The following LAMA2 variants were observed in gnomAD, a reference collection of about 807,000 sequenced individuals.
LAMA2 encodes laminin subunit alpha 2.
Under a neutral mutation model 364.8 loss-of-function variants are expected in LAMA2, and 269 were observed. That is an observed-to-expected ratio of 0.74 (90% CI 0.67 to 0.82). LAMA2 has a LOEUF of 0.82. Ranked by LOEUF, LAMA2 falls within the 40% of genes least tolerant of loss-of-function variation. The probability of loss-of-function intolerance (pLI) is 0.00; values close to 1 mark genes in which losing one functional copy is unlikely to be tolerated. For missense variants in LAMA2, 3,807 were observed against 3,873.2 expected (o/e 0.98, Z 0.45); for synonymous variants, 1,379 against 1,370.6 (o/e 1.01, Z -0.14).
At chr6:129,357,007 T>C (rs999462275) in intron 32 of LAMA2, among the ~76,000 whole-genome samples, 2 of 152,096 alleles carry the variant, frequency 1.3e-5, no homozygotes, top group Non-Finnish European at 2.9e-5. Context: ...TTATGTAAGT[T>C]GGTGAGTTCT....
intron 10 of LAMA2, among the ~76,000 whole-genome samples, chr6:129,187,680 A>G (rs531861223): frequency 6.6e-6 from 1 of 151,920 alleles, no homozygotes; most frequent in African/African-American, 2.4e-5. Flanking sequence ...GAGACCAGAA[A>G]TGTTTCCGAT....
At chr6:129,104,825 G>T (rs1171599087) in intron 4 of LAMA2, among the ~76,000 whole-genome samples, 2 of 152,114 alleles carry the variant, frequency 1.3e-5, no homozygotes, top group Non-Finnish European at 2.9e-5. Flanking sequence ...AGAGAACTGG[G>T]TTCAACTACT....
chr6:129,428,717 T>G (rs1317037883), intron 41 of LAMA2, among the ~76,000 whole-genome samples: 2 of 152,174 alleles, frequency 1.3e-5, no homozygotes, highest in East Asian at 3.8e-4. Flanking sequence ...AGTGCTGAGA[T>G]TACAGATGTG....
chr6:129,034,483 T>A (rs954530386), intron 1 of LAMA2, among the ~76,000 whole-genome samples: 11 of 152,072 alleles, frequency 7.2e-5, no homozygotes, highest in African/African-American at 2.4e-4. Flanking sequence ...TTTCTTTTTT[T>A]AATTTTAGAT....
At chr6:129,432,776 T>C (rs1318423883) in intron 41 of LAMA2, among the ~76,000 whole-genome samples, 1 of 151,390 alleles carries the variant, frequency 6.6e-6, no homozygotes, top group Non-Finnish European at 1.5e-5. Flanking sequence ...TGATGTCTGG[T>C]GGTTTTAGTT....
Position 129,256,766 on chromosome 6 carries a change from ATAT to A in LAMA2, c.2097-3944_2097-3942del, listed in dbSNP as rs1562385457. 7.9e-3 allele frequency among the ~76,000 whole-genome samples: 731 copies of A among 92,214 alleles called. 26 individuals carry two copies. The highest frequency in any genetic ancestry group is 0.02 in the African/African-American group (560 of 27,456). The allele number at this position is 92,214 out of a possible 152,430, so 60.5% of individuals were successfully genotyped here. On this transcript the variant is annotated intron_variant, in intron 14 of 64. Coordinates refer to ENST00000421865, the MANE Select transcript of LAMA2 (RefSeq NM_000426.4). ...ATATAAAAAACAAATTATATAGCAT[ATAT>A]ATATATATATATATATATATATATA... is the stretch of plus-strand genomic sequence containing the variant.
chr6:129,115,048 T>G (rs1451478686), intron 4 of LAMA2, among the ~76,000 whole-genome samples: 1 of 152,110 alleles, frequency 6.6e-6, no homozygotes, highest in Non-Finnish European at 1.5e-5. Context: ...AAATTATTTG[T>G]ATGACAATGA....
chr6:129,005,333 G>A (rs756400643), intron 1 of LAMA2, among the ~76,000 whole-genome samples: 1 of 151,256 alleles, frequency 6.6e-6, no homozygotes, highest in African/African-American at 2.4e-5. Context: ...TCTTTTTATA[G>A]GAGAAAGGAT....
chr6:129,205,478 G>GTATATATATA lies in LAMA2; in HGVS notation c.1782+12632_1782+12641dup, dbSNP rs749614184. On this transcript the variant is annotated intron_variant, in intron 12 of 64. Coordinates refer to ENST00000421865, the MANE Select transcript of LAMA2 (RefSeq NM_000426.4). ...TCTCTTCTGGGAATTTATTCTGTAA[G>GTATATATATA]TATATATATATATATACACACACAC... 8.2e-4 allele frequency among the ~76,000 whole-genome samples: 95 copies of GTATATATATA among 116,358 alleles called. 1 individual carries two copies. Among genetic ancestry groups the GTATATATATA allele is most frequent in the South Asian group, 3.5e-3 (13 of 3,680 alleles). 76.3% of individuals were successfully genotyped at this position (116,358 alleles called of 152,430 possible). A position where few individuals can be genotyped will look rare whatever the true frequency, so the allele number is the denominator to read the frequency against.
intron 9 of LAMA2, among the ~76,000 whole-genome samples, chr6:129,171,791 C>T: frequency 9.0e-6 from 1 of 111,440 alleles, no homozygotes. Context: ...GTTCCATTCT[C>T]CCCATCACTT....
chr6:129,106,774 A>C (rs1201322462), intron 4 of LAMA2, among the ~76,000 whole-genome samples: 3 of 151,346 alleles, frequency 2.0e-5, no homozygotes, highest in Non-Finnish European at 4.4e-5. Flanking sequence ...TTAAAAATAC[A>C]TCTTTTTAAT....
At chr6:129,480,941 T>C (rs1784313785) in intron 54 of LAMA2, among the ~76,000 whole-genome samples, 3 of 148,264 alleles carry the variant, frequency 2.0e-5, no homozygotes, top group Admixed American at 2.0e-4. Context: ...TCAGTTTGAC[T>C]TAAATCTTTG....
chr6:129,074,619 A>G (rs1198142184), intron 3 of LAMA2, among the ~76,000 whole-genome samples: 1 of 152,204 alleles, frequency 6.6e-6, no homozygotes. Flanking sequence ...GAAAATGGAA[A>G]GGGAAAAAAT....
At chr6:129,095,433 C>T (rs965602703) in intron 3 of LAMA2, among the ~76,000 whole-genome samples, 1 of 152,076 alleles carries the variant, frequency 6.6e-6, no homozygotes, top group Non-Finnish European at 1.5e-5. Context: ...ATTTCTGTTA[C>T]ATTAGGATTA....
At chr6:129,171,178 A>G (rs1291847105) in intron 9 of LAMA2, among the ~76,000 whole-genome samples, 1 of 150,710 alleles carries the variant, frequency 6.6e-6, no homozygotes, top group Non-Finnish European at 1.5e-5. Flanking sequence ...ATTTACATTT[A>G]AAGTTAATAT....
chr6:129,362,518 TTC>T (rs1777524852), intron 32 of LAMA2, among the ~76,000 whole-genome samples: 1 of 152,196 alleles, frequency 6.6e-6, no homozygotes, highest in Non-Finnish European at 1.5e-5. Context: ...ACCCTTGCCA[TTC>T]TCTTTGTCCA....
At chr6:129,420,610 CA>C (rs964343468) in intron 40 of LAMA2, among the ~76,000 whole-genome samples, 5 of 151,442 alleles carry the variant, frequency 3.3e-5, no homozygotes, top group African/African-American at 7.3e-5. Context: ...AAAAAGTAAA[CA>C]AAAAAACAGA....
chr6:129,033,766 C>T (rs544770630), intron 1 of LAMA2, among the ~76,000 whole-genome samples: 10 of 152,118 alleles, frequency 6.6e-5, no homozygotes, highest in East Asian at 1.9e-4. Context: ...ACATATGTTC[C>T]GCTGATATTG....
At chr6:129,300,003 T>C (rs1158748530) in intron 21 of LAMA2, among the ~76,000 whole-genome samples, 1 of 152,202 alleles carries the variant, frequency 6.6e-6, no homozygotes, top group African/African-American at 2.4e-5. Context: ...ACTGCCGCTA[T>C]GTGGCATGCA....
Sources: allele counts gnomAD v4.1 joint callset (sites outside exome capture counted in the v4.1 genomes callset), GRCh38; gene constraint gnomAD v4.1.1; transcripts MANE v1.5; gene names NCBI Gene and HGNC (gene_info 2026-07-23, HGNC 2026-07-21).